Variants in CNTLN observed in about 807,000 individuals in gnomAD.
CNTLN encodes the protein centlein.
CNTLN carries 212 observed loss-of-function variants against 180.0 expected under a neutral mutation model. The ratio of observed to expected loss-of-function variants is 1.18; its 90% CI spans 1.05 to 1.32. The LOEUF (loss-of-function observed/expected upper bound fraction) is 1.32, where lower values mean the gene tolerates loss of function less well. Ranked by LOEUF, CNTLN falls within the 40% of genes most tolerant of loss-of-function variation. The probability of loss-of-function intolerance (pLI) is 0.00; values close to 1 mark genes in which losing one functional copy is unlikely to be tolerated. For missense variants in CNTLN, 2,095 were observed against 1,610.9 expected (o/e 1.30, Z -5.14); for synonymous variants, 722 against 563.1 (o/e 1.28, Z -3.99).
intron 12 of CNTLN, among the ~76,000 whole-genome samples, chr9:17,347,820 AC>A (rs1822033741): frequency 6.6e-6 from 1 of 151,812 alleles, no homozygotes; most frequent in South Asian, 2.1e-4. Flanking sequence ...CTAACACAAA[AC>A]CATTTTATTT....
chr9:17,320,842 C>A (rs747925446), intron 8 of CNTLN, among the ~76,000 whole-genome samples: 16 of 152,144 alleles, frequency 1.1e-4, no homozygotes, highest in African/African-American at 3.6e-4. Flanking sequence ...ATTGTTTCCT[C>A]AGGATGAATT....
At chr9:17,317,765 G>C (rs901888734) in intron 8 of CNTLN, among the ~76,000 whole-genome samples, 2 of 152,154 alleles carry the variant, frequency 1.3e-5, no homozygotes, top group Non-Finnish European at 2.9e-5. Flanking sequence ...CAAATGCAAA[G>C]CTCATGAAGC....
In CNTLN at chr9:17,366,669, A is replaced by G. The variant is rs759609198; in HGVS notation, c.1939A>G (p.Lys647Glu). 7 of 1,590,348 alleles carry G rather than the reference A, an allele frequency of 4.4e-6. 1 individual carries two copies. The South Asian group carries it at 8.0e-5, about 18-fold the overall frequency. ...ACTTAAAGTACATATATCTATTGAT[A>G]AGGCAGCAATACAAGAATTGAATAG... ...DELKVHISID[K>E]AAIQELNRCV... Residue 647 changes from lysine (K) to glutamate (E), a missense_variant, in exon 13 of 26, where the codon AAG becomes GAG. Transcript: ENST00000380647.
Position 17,502,884 on chromosome 9 carries a change from A to G in CNTLN, c.*232A>G. The G allele has an allele frequency of 4.2e-6, 1 of 240,442 alleles. No individual in the cohort carries two copies. Among genetic ancestry groups the G allele is most frequent in the East Asian group, 9.5e-5 (1 of 10,480 alleles). 14.9% of individuals were successfully genotyped at this position (240,442 alleles called of 1,614,324 possible). The stretch of plus-strand genomic sequence containing the variant: ...CTGATGGTCGAATACAAATATTGCC[A>G]CAAATCAGTGCAAACTTAAAAATGA... On this transcript the variant is annotated 3_prime_UTR_variant, in exon 26 of 26. Transcript: ENST00000380647.
At chr9:17,261,609 A>G (rs566849111) in intron 5 of CNTLN, among the ~76,000 whole-genome samples, 3 of 151,468 alleles carry the variant, frequency 2.0e-5, no homozygotes, top group Non-Finnish European at 2.9e-5. Flanking sequence ...GAATCATATC[A>G]TCAGTGACAA....
chr9:17,218,571 T>G (rs1257890150), intron 2 of CNTLN, among the ~76,000 whole-genome samples: 1 of 152,152 alleles, frequency 6.6e-6, no homozygotes, highest in Non-Finnish European at 1.5e-5. Flanking sequence ...AGTCTTACTG[T>G]TTTAGAATCT....
At chr9:17,291,222 C>G (rs1047716377) in intron 6 of CNTLN, among the ~76,000 whole-genome samples, 3 of 152,128 alleles carry the variant, frequency 2.0e-5, no homozygotes, top group Non-Finnish European at 4.4e-5. Context: ...CTCCCAAGTA[C>G]GTGACTGATT....
intron 19 of CNTLN, among the ~76,000 whole-genome samples, chr9:17,462,566 G>C (rs1382435085): frequency 1.3e-5 from 2 of 151,650 alleles, no homozygotes; most frequent in Non-Finnish European, 3.0e-5. Flanking sequence ...AGTAAATCCA[G>C]TATTTGTTTT....
intron 6 of CNTLN, among the ~76,000 whole-genome samples, chr9:17,297,676 A>C (rs1052259126): frequency 6.6e-6 from 1 of 152,218 alleles, no homozygotes; most frequent in African/African-American, 2.4e-5. Flanking sequence ...TAGAGGAGTC[A>C]CAAGTATCCC....
chr9:17,483,143 C>T (rs569156460), intron 23 of CNTLN, among the ~76,000 whole-genome samples: 1 of 151,554 alleles, frequency 6.6e-6, no homozygotes, highest in East Asian at 1.9e-4. Context: ...TATAATTTCC[C>T]GAATACGTGA....
chr9:17,279,079 C>T (rs867337063), intron 6 of CNTLN, among the ~76,000 whole-genome samples: 8 of 151,648 alleles, frequency 5.3e-5, no homozygotes, highest in Admixed American at 2.0e-4. Flanking sequence ...AAAACCTTGG[C>T]GATTCATGTT....
chr9:17,421,281 A>T (rs1013096912), intron 18 of CNTLN, among the ~76,000 whole-genome samples: 1 of 152,156 alleles, frequency 6.6e-6, no homozygotes. Flanking sequence ...TATAATTGTT[A>T]TATCCTCTTG....
At chr9:17,334,585 C>A (rs990122569) in intron 10 of CNTLN, among the ~76,000 whole-genome samples, 1 of 152,118 alleles carries the variant, frequency 6.6e-6, no homozygotes, top group Non-Finnish European at 1.5e-5. Context: ...TGCTATGCAG[C>A]CATAAGAAAG....
chr9:17,406,880 G>T (rs2133823231), intron 15 of CNTLN, among the ~76,000 whole-genome samples: 1 of 151,672 alleles, frequency 6.6e-6, no homozygotes, highest in African/African-American at 2.4e-5. Flanking sequence ...CCCACCAAGG[G>T]CTCTCCAATC....
chr9:17,312,369 T>TATATTATATATATATATATATA (rs1819234778), intron 8 of CNTLN, among the ~76,000 whole-genome samples: 4 of 34,400 alleles, frequency 1.2e-4, no homozygotes, highest in African/African-American at 2.4e-4. Flanking sequence ...ATATATTATA[T>TATATTATATATATATATATATA]ATATATATAT....
intron 23 of CNTLN, among the ~76,000 whole-genome samples, chr9:17,474,297 CT>C (rs887706780): frequency 6.6e-6 from 1 of 152,124 alleles, no homozygotes; most frequent in African/African-American, 2.4e-5. Flanking sequence ...CTTCTCCTAG[CT>C]TTTTTTCTCT....
At chr9:17,277,380 G>C (rs778526024) in intron 6 of CNTLN, among the ~76,000 whole-genome samples, 4 of 152,062 alleles carry the variant, frequency 2.6e-5, no homozygotes, top group Non-Finnish European at 4.4e-5. Context: ...TCTTCAGACA[G>C]AATCCTGAAA....
intron 2 of CNTLN, among the ~76,000 whole-genome samples, chr9:17,177,012 A>G (rs1446669439): frequency 6.6e-6 from 1 of 152,158 alleles, no homozygotes; most frequent in Non-Finnish European, 1.5e-5. Context: ...TGCACTTCCA[A>G]AAAGTTCTTA....
chr9:17,258,999 T>G (rs1448047369), intron 5 of CNTLN, among the ~76,000 whole-genome samples: 1 of 150,602 alleles, frequency 6.6e-6, no homozygotes, highest in Non-Finnish European at 1.5e-5. Context: ...GGCCAGAACT[T>G]CCAACACTAT....
Sources: allele counts gnomAD v4.1 joint callset (sites outside exome capture counted in the v4.1 genomes callset), GRCh38; gene constraint gnomAD v4.1.1; transcripts MANE v1.5; gene names NCBI Gene and HGNC (gene_info 2026-07-23, HGNC 2026-07-21).